DSCAML1: variants seen among roughly 807,000 people sequenced by gnomAD.
The protein encoded by DSCAML1 is cell adhesion molecule DSCAML1.
In DSCAML1, 38 loss-of-function variants were observed where a neutral mutation model predicts 200.5. That is an observed-to-expected ratio of 0.19 (90% confidence interval 0.15 to 0.25). DSCAML1 has a LOEUF of 0.25. Among genes scored for constraint, DSCAML1 ranks in the 10% least tolerant of loss-of-function variants. The pLI is 1.00. For missense variants in DSCAML1, 2,223 were observed against 2,858.8 expected (o/e 0.78, Z 5.07); for synonymous variants, 1,215 against 1,165.0 (o/e 1.04, Z -0.87).
At chr11:117,626,753 C>T (rs1252798435) in intron 3 of DSCAML1, among the ~76,000 whole-genome samples, 1 of 152,162 alleles carries the variant, frequency 6.6e-6, no homozygotes, top group Non-Finnish European at 1.5e-5. Flanking sequence ...CTTGGACCAC[C>T]CCACATCCCT....
At chr11:117,717,880 C>T (rs986064832) in intron 3 of DSCAML1, among the ~76,000 whole-genome samples, 5 of 152,154 alleles carry the variant, frequency 3.3e-5, no homozygotes, top group Non-Finnish European at 7.3e-5. Context: ...CTGGGATGGG[C>T]ACAAACTGCT....
intron 21 of DSCAML1, among the ~76,000 whole-genome samples, chr11:117,443,562 G>C (rs2048112544): frequency 6.6e-6 from 1 of 152,242 alleles, no homozygotes; most frequent in African/African-American, 2.4e-5. Flanking sequence ...TGAGCATTGG[G>C]ACAAAGGCCC....
chr11:117,685,175 A>C (rs944754903), intron 3 of DSCAML1, among the ~76,000 whole-genome samples: 5 of 152,192 alleles, frequency 3.3e-5, no homozygotes, highest in Non-Finnish European at 7.3e-5. Context: ...TAGACTTGTG[A>C]GGGAAGCTGT....
intron 3 of DSCAML1, among the ~76,000 whole-genome samples, chr11:117,576,987 AT>A (rs2050944424): frequency 6.6e-6 from 1 of 152,186 alleles, no homozygotes; most frequent in Admixed American, 6.5e-5. Flanking sequence ...TGAATCCTTG[AT>A]TGAGAATTTA....
intron 2 of DSCAML1, 107 bp from the exon 3 acceptor site, chr11:117,777,044 C>T (rs990992687): frequency 2.6e-6 from 3 of 1,167,836 alleles, no homozygotes; most frequent in African/African-American, 1.5e-5. Flanking sequence ...CCTTCAGCCT[C>T]ACCTTCCCAC....
chr11:117,475,836 A>C (rs898712525), intron 14 of DSCAML1, among the ~76,000 whole-genome samples: 2 of 151,432 alleles, frequency 1.3e-5, no homozygotes, highest in South Asian at 2.1e-4. Flanking sequence ...GGTGGATTTG[A>C]CCTTGTGTTC....
chr11:117,714,709 C>G (rs11827322), intron 3 of DSCAML1, among the ~76,000 whole-genome samples: 1 of 150,628 alleles, frequency 6.6e-6, no homozygotes, highest in Non-Finnish European at 1.5e-5. Flanking sequence ...CCCAGGTACT[C>G]GGGAGGCTAG....
intron 1 of DSCAML1, among the ~76,000 whole-genome samples, chr11:117,805,479 T>C (rs1449934917): frequency 6.6e-6 from 1 of 152,236 alleles, no homozygotes; most frequent in Non-Finnish European, 1.5e-5. Context: ...AACTGATCTA[T>C]GGTCAAATAG....
chr11:117,601,623 T>C (rs969009063), intron 3 of DSCAML1, among the ~76,000 whole-genome samples: 1 of 152,224 alleles, frequency 6.6e-6, no homozygotes, highest in Non-Finnish European at 1.5e-5. Context: ...GGCAACACTA[T>C]AGAATGTGGT....
At chr11:117,674,777 G>C (rs2053177086) in intron 3 of DSCAML1, among the ~76,000 whole-genome samples, 1 of 152,126 alleles carries the variant, frequency 6.6e-6, no homozygotes, top group African/African-American at 2.4e-5. Flanking sequence ...CTCTGCTTGT[G>C]TGTTCAGAGT....
intron 3 of DSCAML1, among the ~76,000 whole-genome samples, chr11:117,704,206 G>GATA (rs928344330): frequency 2.3e-4 from 35 of 151,496 alleles, no homozygotes; most frequent in Admixed American, 1.1e-3. Flanking sequence ...AACCAGGCAA[G>GATA]ATAATAATAA....
chr11:117,758,193 C>T (rs1486142836), intron 3 of DSCAML1, among the ~76,000 whole-genome samples: 1 of 150,594 alleles, frequency 6.6e-6, no homozygotes, highest in African/African-American at 2.4e-5. Context: ...CCCAGCTAGT[C>T]GGGAGGCTGA....
In DSCAML1 at chr11:117,461,467, G is replaced by C. The variant is rs1249890727; in HGVS notation, c.3395C>G (p.Ser1132Cys). Residue 1132 changes from serine (S) to cysteine (C), a missense_variant, in exon 18 of 33, where the codon TCC (serine) becomes TGC (cysteine). This residue lies in a region of DSCAML1 where 438 missense variants were observed against 629.7 expected (regional missense o/e 0.70). Transcript: ENST00000651296. The stretch of plus-strand genomic sequence containing the variant: ...AGACTCACCCCCATCAACATAGAGG[G>C]ACCAGAAGATGACCCGATAGCCTTT... Reference protein sequence around the residue: ...VLKGYRVIFWSLYVDGEWGEM... With the variant: ...VLKGYRVIFWCLYVDGEWGEM... The C allele has an allele frequency of 6.2e-7, 1 of 1,614,180 alleles. No individual in the cohort carries two copies. The highest frequency in any genetic ancestry group is 1.1e-5 in the South Asian group (1 of 91,072).
intron 3 of DSCAML1, among the ~76,000 whole-genome samples, chr11:117,757,148 A>C (rs2054707354): frequency 6.6e-6 from 1 of 152,228 alleles, no homozygotes; most frequent in Non-Finnish European, 1.5e-5. Flanking sequence ...GGACTCCCTG[A>C]AAAAGCAAAA....
intron 1 of DSCAML1, among the ~76,000 whole-genome samples, chr11:117,808,568 T>C (rs76413841): frequency 2.0e-3 from 308 of 152,314 alleles, no homozygotes; most frequent in Non-Finnish European, 3.6e-3. Context: ...TATTTTCTGT[T>C]TCCCAGTATT....
chr11:117,438,009 A>T lies in DSCAML1; in HGVS notation c.4318T>A (p.Phe1440Ile). The change falls in exon 25 of 33, where the codon TTC (phenylalanine) becomes ATC (isoleucine). Residue 1440 changes from phenylalanine to isoleucine, a missense_variant. Phe to Ile is a conservative substitution (Grantham distance 21). Transcript: ENST00000651296. ...DVFISSSERS[F>I]KLDSLKCGTW... ...CCACACTTGAGGCTGTCCAGCTTGA[A>T]GGAGCGCTCGCTGGAGCTGATGAAC... is the stretch of plus-strand genomic sequence containing the variant. 1 of 1,614,146 alleles carries T rather than the reference A, an allele frequency of 6.2e-7. No individual in the cohort carries two copies. The highest frequency in any genetic ancestry group is 8.5e-7 in the Non-Finnish European group (1 of 1,180,008).
chr11:117,609,147 C>A (rs1565823811), intron 3 of DSCAML1, among the ~76,000 whole-genome samples: 2 of 151,478 alleles, frequency 1.3e-5, no homozygotes, highest in African/African-American at 4.9e-5. Flanking sequence ...TGCAGTGAGC[C>A]GAGATCGTGC....
chr11:117,778,635 G>T (rs1354827041), intron 2 of DSCAML1, among the ~76,000 whole-genome samples: 1 of 152,256 alleles, frequency 6.6e-6, no homozygotes, highest in Non-Finnish European at 1.5e-5. Flanking sequence ...GTGCCCTTGG[G>T]CAAGTGACTT....
chr11:117,517,514 C>T (rs968604486), intron 7 of DSCAML1, among the ~76,000 whole-genome samples: 1 of 152,188 alleles, frequency 6.6e-6, no homozygotes, highest in Non-Finnish European at 1.5e-5. Flanking sequence ...CTTCCAGGGC[C>T]CTGCATCTCT....
Sources: allele counts gnomAD v4.1 joint callset (sites outside exome capture counted in the v4.1 genomes callset), GRCh38; gene constraint gnomAD v4.1.1; regional missense constraint gnomAD v4.1.1; transcripts MANE v1.5; gene names NCBI Gene and HGNC (gene_info 2026-07-23, HGNC 2026-07-21).